Variants in CCDC93 observed in about 807,000 individuals in gnomAD.
CCDC93 encodes the protein coiled-coil domain-containing protein 93.
In CCDC93, 61 loss-of-function variants were observed where a neutral mutation model predicts 108.2. The observed-to-expected ratio is 0.56, with a 90% CI of 0.46 to 0.70. The LOEUF (loss-of-function observed/expected upper bound fraction) is 0.70. Ranked by LOEUF, CCDC93 falls within the 30% of genes least tolerant of loss-of-function variation. CCDC93 has a pLI of 0.00. For missense variants in CCDC93, 685 were observed against 764.2 expected, an observed-to-expected ratio of 0.90 and a Z score of 1.22; for synonymous variants, 276 against 260.4, an observed-to-expected ratio of 1.06 and a Z score of -0.58.
chr2:117,944,583 T>C lies in CCDC93; in HGVS notation c.1351-497A>G, dbSNP rs954987355. On this transcript the variant is annotated intron_variant, in intron 17 of 23. Transcript: ENST00000376300. The stretch of plus-strand genomic sequence containing the variant: ...ATAGAAAATAGAAACTAGTCCCTCA[T>C]TGAACCCAGCAATGAGACATGGCTG... 4.8e-5 allele frequency: 18 copies of C among 376,876 alleles called. 1 individual carries two copies. Among genetic ancestry groups the C allele is most frequent in the South Asian group, 1.9e-4 (9 of 48,176 alleles). 23.3% of individuals were successfully genotyped at this position (376,876 alleles called of 1,614,324 possible).
At chr2:117,981,206 G>T (rs1409216482) in intron 7 of CCDC93, among the ~76,000 whole-genome samples, 1 of 152,158 alleles carries the variant, frequency 6.6e-6, no homozygotes, top group Non-Finnish European at 1.5e-5. Flanking sequence ...TTCATGTACA[G>T]CTTCATTCAC....
At chr2:117,922,710 C>T (rs982418682) in intron 23 of CCDC93, among the ~76,000 whole-genome samples, 5 of 152,068 alleles carry the variant, frequency 3.3e-5, no homozygotes, top group African/African-American at 9.7e-5. Context: ...GAATTCAGAA[C>T]GCAGAAGTAG....
intron 12 of CCDC93, among the ~76,000 whole-genome samples, chr2:117,956,113 T>C (rs1221596603): frequency 6.6e-6 from 1 of 152,220 alleles, no homozygotes; most frequent in African/African-American, 2.4e-5. Flanking sequence ...CTTCCCTACC[T>C]CATTTTCCTC....
chr2:117,938,952 C>T, intron 20 of CCDC93, 77 bp downstream of exon 20: 1 of 757,876 alleles, frequency 1.3e-6, no homozygotes, highest in South Asian at 1.6e-5. Flanking sequence ...CTGTCCCAAA[C>T]ATCAAGTTCA....
Position 117,920,094 on chromosome 2 carries a change from G to A in CCDC93, c.*249C>T, listed in dbSNP as rs962106719. On this transcript the variant is annotated 3_prime_UTR_variant, in exon 24 of 24. Transcript: ENST00000376300. Reference sequence around the variant, plus strand: ...GAGACATAAAAGTTGAATCAACAGAGAACAAGTACTCCCTATATTCTTCAT... The same window carrying A: ...GAGACATAAAAGTTGAATCAACAGAAAACAAGTACTCCCTATATTCTTCAT... The A allele has an allele frequency of 4.3e-5, 16 of 376,414 alleles. No individual in the cohort carries two copies. Among genetic ancestry groups the A allele is most frequent in the African/African-American group, 3.0e-4 (15 of 49,298 alleles). The allele number at this position is 376,414 out of a possible 1,614,324, so 23.3% of individuals were successfully genotyped here.
At chr2:117,998,851 A>T (rs931906008) in intron 4 of CCDC93, 1 of 152,254 alleles carries the variant, frequency 6.6e-6, no homozygotes, top group Non-Finnish European at 1.5e-5. Flanking sequence ...CTATTTTCAT[A>T]AAAATGATCA....
intron 12 of CCDC93, among the ~76,000 whole-genome samples, chr2:117,954,979 C>T (rs1393556166): frequency 6.6e-6 from 1 of 152,122 alleles, no homozygotes; most frequent in Non-Finnish European, 1.5e-5. Flanking sequence ...CTGAGGCCTC[C>T]CTACCCATGC....
At chr2:118,006,360 T>C (rs1269243915) in intron 3 of CCDC93, among the ~76,000 whole-genome samples, 2 of 152,174 alleles carry the variant, frequency 1.3e-5, no homozygotes, top group Non-Finnish European at 2.9e-5. Flanking sequence ...GGGCAGGGTA[T>C]GCTCAGGTGA....
chr2:117,974,036 T>C, intron 10 of CCDC93, 42 bp from the exon 11 acceptor site: 1 of 1,304,096 alleles, frequency 7.7e-7, no homozygotes, highest in Non-Finnish European at 1.1e-6. Flanking sequence ...CCAAGCCTTG[T>C]CTTCCATAGC....
In CCDC93 at chr2:117,967,959, G is replaced by A. The variant is rs114467190; in HGVS notation, c.888+5949C>T. The stretch of plus-strand genomic sequence containing the variant: ...GAATTAAAAAATAAGAACTAAATGA[G>A]ATAATGGTACACAAAGAATCTGCAT... On this transcript the variant is annotated intron_variant, in intron 11 of 23. Coordinates refer to ENST00000376300, the MANE Select transcript of CCDC93 (RefSeq NM_019044.5). Among the ~76,000 whole-genome samples the A allele has an allele frequency of 5.6e-3, 849 of 152,250 alleles. 8 individuals are homozygous for A. Among genetic ancestry groups the A allele is most frequent in the African/African-American group, 0.02 (811 of 41,546 alleles).
At chr2:117,938,164 T>A (rs948941523) in intron 20 of CCDC93, among the ~76,000 whole-genome samples, 1 of 152,150 alleles carries the variant, frequency 6.6e-6, no homozygotes, top group Non-Finnish European at 1.5e-5. Flanking sequence ...ATTATAATCA[T>A]CATCAATGCA....
intron 6 of CCDC93, among the ~76,000 whole-genome samples, chr2:117,987,066 A>T (rs1405703207): frequency 6.6e-6 from 1 of 152,198 alleles, no homozygotes; most frequent in Non-Finnish European, 1.5e-5. Context: ...ATTGACTCCA[A>T]AACAAGAGCA....
In CCDC93 at chr2:118,000,798, A is replaced by C. The variant is rs142143172; in HGVS notation, c.363+23T>G. The C allele has an allele frequency of 1.3e-4, 192 of 1,499,800 alleles. No individual in the cohort carries two copies. In the East Asian group the frequency reaches 2.8e-3, roughly 22 times the overall value. 92.9% of individuals were successfully genotyped at this position (1,499,800 alleles called of 1,614,324 possible). ...CAGGAATTCTGATGTTAAGAGGACA[A>C]GAAACCACACAGAGGCTCTCACCTG... On this transcript the variant is annotated intron_variant, in intron 4 of 23. Transcript: ENST00000376300.
intron 23 of CCDC93, among the ~76,000 whole-genome samples, chr2:117,926,368 C>A (rs1678095772): frequency 6.6e-6 from 1 of 152,082 alleles, no homozygotes; most frequent in Admixed American, 6.5e-5. Flanking sequence ...TGATAGACTG[C>A]TAGCAAGACT....
intron 22 of CCDC93, chr2:117,933,926 G>A (rs534237846): frequency 8.5e-5 from 13 of 152,226 alleles, no homozygotes; most frequent in Admixed American, 7.8e-4. Flanking sequence ...GCAGACCAGA[G>A]AAAGAGAGCC....
intron 19 of CCDC93, among the ~76,000 whole-genome samples, chr2:117,940,506 A>T (rs1349005671): frequency 6.6e-6 from 1 of 152,114 alleles, no homozygotes; most frequent in Non-Finnish European, 1.5e-5. Context: ...ACTGGGGAGG[A>T]ACCCAGGCAT....
chr2:117,949,774 G>T, intron 13 of CCDC93: 1 of 985,260 alleles, frequency 1.0e-6, no homozygotes, highest in East Asian at 1.1e-4. Context: ...ACAACTTGCA[G>T]CCACCCCTTC....
chr2:117,935,632 G>A (rs1471043922), intron 21 of CCDC93, 53 bp from the exon 22 acceptor site: 18 of 1,300,726 alleles, frequency 1.4e-5, no homozygotes, highest in East Asian at 6.9e-5. Flanking sequence ...CTGAGGCAGG[G>A]GGAAATGCCA....
chr2:117,997,984 G>C (rs1483369897), intron 4 of CCDC93: 4 of 152,276 alleles, frequency 2.6e-5, no homozygotes, highest in African/African-American at 9.6e-5. Context: ...TGAAGGGAAA[G>C]CTTGTTGAGT....
Sources: gnomAD v4.1 joint callset for allele counts (sites outside exome capture counted in the v4.1 genomes callset) on GRCh38, gnomAD v4.1.1 for gene constraint, MANE v1.5 for transcripts, NCBI Gene and HGNC (gene_info 2026-07-23, HGNC 2026-07-21) for gene names.